The following SLC38A8 variants were observed in gnomAD, a reference collection of about 807,000 sequenced individuals.
The protein encoded by SLC38A8 is solute carrier family 38 member 8.
SLC38A8 carries 65 observed loss-of-function variants against 46.0 expected under a neutral mutation model. The observed-to-expected ratio is 1.41, with a 90% CI of 1.16 to 1.74. The LOEUF is 1.74. Among genes scored for constraint, SLC38A8 ranks in the 40% most tolerant of loss-of-function variants. The pLI, the probability that SLC38A8 is intolerant of heterozygous loss-of-function variation, is 0.00. For synonymous variants in SLC38A8, 447 were observed against 243.7 expected, an observed-to-expected ratio of 1.83 and a Z score of -7.77; for missense variants, 998 against 567.9, an observed-to-expected ratio of 1.76 and a Z score of -7.70.
intron 5 of SLC38A8, among the ~76,000 whole-genome samples, chr16:84,030,009 C>T (rs973365858): frequency 1.3e-5 from 2 of 152,156 alleles, no homozygotes; most frequent in African/African-American, 2.4e-5. Flanking sequence ...TTGGGATCCC[C>T]GCCTGGTTCA....
In SLC38A8 at chr16:84,042,700, C is replaced by G. The variant is rs1398649054; in HGVS notation, c.-152G>C. ...TGGCCAGGGGTGAGTGAGTCATTAA[C>G]TAAAGGAGCCCTAGCGAGTATGTGT... On this transcript the variant is annotated 5_prime_UTR_variant, in exon 1 of 11. Coordinates refer to ENST00000299709, the MANE Select transcript of SLC38A8 (RefSeq NM_001080442.3). 1 of 153,632 alleles carries G rather than the reference C, an allele frequency of 6.5e-6. No individual in the cohort carries two copies. Among genetic ancestry groups the G allele is most frequent in the Admixed American group, 6.4e-5 (1 of 15,570 alleles). The allele number at this position is 153,632 out of a possible 1,614,324, so 9.5% of individuals were successfully genotyped here. A position where few individuals can be genotyped will look rare whatever the true frequency, so the allele number is the denominator to read the frequency against.
intron 7 of SLC38A8, among the ~76,000 whole-genome samples, chr16:84,022,108 G>T (rs2085102559): frequency 1.3e-5 from 2 of 152,206 alleles, no homozygotes; most frequent in Admixed American, 1.3e-4. Flanking sequence ...TTCAACCTGA[G>T]TTTTTAAGAG....
rs777956877 is a variant in SLC38A8, at chr16:84,036,760, G to C, written c.330C>G (p.Leu110=). The C allele has an allele frequency of 5.6e-6, 9 of 1,614,118 alleles. No individual in the cohort carries two copies. The highest frequency in any genetic ancestry group is 1.3e-5 in the African/African-American group (1 of 74,948). ...IGKLCEACFL[L]NLLMISVAFL... is the part of the protein sequence containing the mutation. ...AGGCCACGGAGATCATGAGCAGGTTGAGGAGGAAGCAGGCCTCACACAGCT... is the reference window on the plus strand; with the variant it reads ...AGGCCACGGAGATCATGAGCAGGTTCAGGAGGAAGCAGGCCTCACACAGCT... Residue 110 remains leucine, a synonymous_variant, in exon 3 of 11, where the codon CTC becomes CTG. Coordinates refer to ENST00000299709, the MANE Select transcript of SLC38A8 (RefSeq NM_001080442.3).
chr16:84,025,926 C>G (rs914500754), intron 6 of SLC38A8, among the ~76,000 whole-genome samples: 4 of 152,228 alleles, frequency 2.6e-5, no homozygotes, highest in African/African-American at 9.6e-5. Flanking sequence ...ACCCCTCTGC[C>G]TCCTGCACCC....
chr16:84,031,480 C>A (rs1284808690), intron 5 of SLC38A8, among the ~76,000 whole-genome samples: 1 of 152,228 alleles, frequency 6.6e-6, no homozygotes, highest in Non-Finnish European at 1.5e-5. Flanking sequence ...CGCCCATGCT[C>A]TCTGCCCTTG....
At chr16:84,031,023 A>C (rs1335254801) in intron 5 of SLC38A8, among the ~76,000 whole-genome samples, 1 of 152,070 alleles carries the variant, frequency 6.6e-6, no homozygotes, top group Non-Finnish European at 1.5e-5. Context: ...AACAGAATAA[A>C]AAGGGTGAGC....
intron 3 of SLC38A8, among the ~76,000 whole-genome samples, chr16:84,034,840 C>A (rs2085283774): frequency 6.6e-6 from 1 of 151,926 alleles, no homozygotes; most frequent in Non-Finnish European, 1.5e-5. Flanking sequence ...GCATCTGGAC[C>A]TCCCATAGCC....
chr16:84,023,959 A>G (rs1346790064), intron 6 of SLC38A8, among the ~76,000 whole-genome samples: 1 of 152,152 alleles, frequency 6.6e-6, no homozygotes. Context: ...AAGTTACAAG[A>G]TAAACACTTC....
At chr16:84,029,639 G>A in intron 5 of SLC38A8, 88 bp from the exon 6 acceptor site, 5 of 1,318,436 alleles carry the variant, frequency 3.8e-6, no homozygotes, top group Non-Finnish European at 5.4e-6. Flanking sequence ...AAAGGATGCT[G>A]GGAAAATGTA....
Position 84,009,736 on chromosome 16 carries a change from T to C in SLC38A8, c.*48A>G. On this transcript the variant is annotated 3_prime_UTR_variant, in exon 11 of 11. Transcript: ENST00000299709. Reference sequence around the variant, plus strand: ...CTCCTGGCTGCATACAGCAGCCACGTAGGGTCAGCCCCCGGAGGGCCCCTT... The same window carrying C: ...CTCCTGGCTGCATACAGCAGCCACGCAGGGTCAGCCCCCGGAGGGCCCCTT... 1 of 1,547,508 alleles carries C rather than the reference T, an allele frequency of 6.5e-7. No individual in the cohort carries two copies. The highest frequency in any genetic ancestry group is 8.8e-7 in the Non-Finnish European group (1 of 1,131,814).
intron 3 of SLC38A8, among the ~76,000 whole-genome samples, chr16:84,033,958 C>A (rs751832508): frequency 6.6e-6 from 1 of 152,204 alleles, no homozygotes; most frequent in Non-Finnish European, 1.5e-5. Context: ...TATTACAAGT[C>A]ATGGATCGTA....
rs957665275 is a variant in SLC38A8 at position 84,017,258 on chromosome 16, C to T, written c.835G>A (p.Glu279Lys). Residue 279 changes from glutamate to lysine, a missense_variant, in exon 8 of 11, where the codon GAA (glutamate) becomes AAA (lysine). Transcript: ENST00000299709. ...GACATCAAGACGTCAGCAGAAACTT[C>T]TGTCCCAAAAGTCAGGAAGCCATAA... Reference protein sequence around the residue: ...GVYGFLTFGTEVSADVLMSYP... With the variant: ...GVYGFLTFGTKVSADVLMSYP... The T allele has an allele frequency of 1.2e-6, 2 of 1,614,010 alleles. No homozygotes were observed. Among genetic ancestry groups the T allele is most frequent in the African/African-American group, 2.7e-5 (2 of 74,920 alleles).
chr16:84,037,056 G>A (rs554604128), intron 2 of SLC38A8, among the ~76,000 whole-genome samples, 156 bp from the exon 3 acceptor site: 2 of 152,054 alleles, frequency 1.3e-5, no homozygotes, highest in East Asian at 1.9e-4. Flanking sequence ...CTATGTCACT[G>A]CACACACCCC....
At chr16:84,022,752 G>A (rs929370442) in intron 7 of SLC38A8, 23 bp downstream of exon 7, 2 of 1,593,882 alleles carry the variant, frequency 1.3e-6, no homozygotes, top group Admixed American at 1.7e-5. Flanking sequence ...ACCCTCTGCA[G>A]GGGTGCCTGG....
At chr16:84,016,460 CCA>C in intron 9 of SLC38A8, 57 bp downstream of exon 9, 1 of 1,577,520 alleles carries the variant, frequency 6.3e-7, no homozygotes, top group South Asian at 1.2e-5. Flanking sequence ...CTGGGAGTCC[CCA>C]CAGAGATGAG....
At chr16:84,039,989 CTGAGATCAGA>C (rs1205063788) in intron 2 of SLC38A8, 1 of 152,262 alleles carries the variant, frequency 6.6e-6, no homozygotes, top group Non-Finnish European at 1.5e-5. Flanking sequence ...TGCTTAGCTC[CTGAGATCAGA>C]TGAGATCAGG....
In SLC38A8 at chr16:84,020,296, A is replaced by C. The variant is rs117827732; in HGVS notation, c.805+2479T>G. On this transcript the variant is annotated intron_variant, in intron 7 of 10. Transcript: ENST00000299709. ...GTAGCTGGAACTACAGGCTCACACC[A>C]CTATGTTCTGCTCATTTAAAAAATG... 5.2e-4 allele frequency among the ~76,000 whole-genome samples: 79 copies of C among 152,030 alleles called. 2 individuals are homozygous for C. In the East Asian group the frequency reaches 0.011, roughly 21 times the overall value.
chr16:84,027,461 C>G (rs1455746431), intron 6 of SLC38A8, among the ~76,000 whole-genome samples: 1 of 152,240 alleles, frequency 6.6e-6, no homozygotes, highest in African/African-American at 2.4e-5. Flanking sequence ...AGGCCCCTCT[C>G]ACTGACTGGA....
chr16:84,029,521 G>T lies in SLC38A8; in HGVS notation c.663C>A (p.Val221=). Residue 221 remains valine, a synonymous_variant, in exon 6 of 11, where the codon GTC becomes GTA. Transcript: ENST00000299709. ...SPASWTSVFS[V]FPTICFGFQC... Reference sequence around the variant, plus strand: ...GAAACCCGAAGCAGATGGTGGGGAAGACACTGAACACAGAGGTCCAGGAGG... The same window carrying T: ...GAAACCCGAAGCAGATGGTGGGGAATACACTGAACACAGAGGTCCAGGAGG... 1 of 1,614,174 alleles carries T rather than the reference G, an allele frequency of 6.2e-7. No individual in the cohort carries two copies. Among genetic ancestry groups the T allele is most frequent in the South Asian group, 1.1e-5 (1 of 91,082 alleles).
Sources: gnomAD v4.1 joint callset for allele counts (sites outside exome capture counted in the v4.1 genomes callset) on GRCh38, gnomAD v4.1.1 for gene constraint, MANE v1.5 for transcripts, NCBI Gene and HGNC (gene_info 2026-07-23, HGNC 2026-07-21) for gene names.